Variants in SNTG1 observed in about 807,000 individuals in gnomAD.
SNTG1 encodes the protein syntrophin gamma 1, also known as gamma-1-syntrophin.
SNTG1 carries 39 observed loss-of-function variants against 74.7 expected under a neutral mutation model. The ratio of observed to expected loss-of-function variants is 0.52; its 90% CI spans 0.40 to 0.68. The LOEUF (loss-of-function observed/expected upper bound fraction) is 0.68. Ranked by LOEUF, SNTG1 falls within the 30% of genes least tolerant of loss-of-function variation. SNTG1 has a pLI of 0.00. For synonymous variants in SNTG1, 254 were observed against 217.1 expected (o/e 1.17, Z -1.49); for missense variants, 685 against 609.5 (o/e 1.12, Z -1.30).
Position 49,973,237 on chromosome 8 carries a change from G to A in SNTG1, c.-103+61006G>A, listed in dbSNP as rs549489516. 3.6e-3 allele frequency among the ~76,000 whole-genome samples: 550 copies of A among 151,952 alleles called. 3 individuals are homozygous for A. The highest frequency in any genetic ancestry group is 0.013 in the African/African-American group (523 of 41,460). On this transcript the variant is annotated intron_variant, in intron 1 of 18. Transcript: ENST00000642720. Reference sequence around the variant, plus strand: ...AGGGACATGGATGAAGCTGGAAACCGTCATTCTCAGCAAACTATCACAAGG... The same window carrying A: ...AGGGACATGGATGAAGCTGGAAACCATCATTCTCAGCAAACTATCACAAGG...
At chr8:50,489,791 G>T (rs931014256) in intron 8 of SNTG1, among the ~76,000 whole-genome samples, 3 of 152,070 alleles carry the variant, frequency 2.0e-5, no homozygotes, top group African/African-American at 7.2e-5. Flanking sequence ...CAATTTGTCA[G>T]TTTTGGCTTT....
intron 15 of SNTG1, among the ~76,000 whole-genome samples, chr8:50,661,692 C>A (rs775515467): frequency 2.0e-5 from 3 of 152,114 alleles, no homozygotes; most frequent in Non-Finnish European, 4.4e-5. Context: ...CTAATGATGT[C>A]TCTCCCCTTG....
chr8:50,610,388 C>T (rs540126816), intron 13 of SNTG1, among the ~76,000 whole-genome samples: 16 of 152,226 alleles, frequency 1.1e-4, no homozygotes, highest in Middle Eastern at 3.4e-3. Flanking sequence ...TACTTGGCTT[C>T]CTCCCCACTG....
At chr8:50,145,623 A>G (rs1019040872) in intron 1 of SNTG1, among the ~76,000 whole-genome samples, 5 of 152,174 alleles carry the variant, frequency 3.3e-5, no homozygotes, top group Admixed American at 2.6e-4. Flanking sequence ...GTGTTGAGAA[A>G]CTCATGCTGA....
chr8:50,214,490 TAGTC>T (rs2084680935), intron 2 of SNTG1, among the ~76,000 whole-genome samples: 1 of 152,108 alleles, frequency 6.6e-6, no homozygotes, highest in East Asian at 1.9e-4. Context: ...ACCAGTAAAA[TAGTC>T]AGAAAACCAC....
At chr8:49,982,300 G>A (rs1235201864) in intron 1 of SNTG1, among the ~76,000 whole-genome samples, 1 of 151,948 alleles carries the variant, frequency 6.6e-6, no homozygotes, top group Non-Finnish European at 1.5e-5. Context: ...CATTTTGAGA[G>A]CTCAAAATAT....
chr8:50,708,613 A>G, intron 16 of SNTG1: 1 of 357,958 alleles, frequency 2.8e-6, no homozygotes, highest in Non-Finnish European at 5.0e-6. Context: ...CAGCAAAGAC[A>G]GACAGTGTAG....
At chr8:50,200,483 T>TA (rs1417777148) in intron 2 of SNTG1, among the ~76,000 whole-genome samples, 3 of 152,112 alleles carry the variant, frequency 2.0e-5, no homozygotes, top group African/African-American at 7.2e-5. Flanking sequence ...ATGAAAAGTG[T>TA]AGCAAGCAGA....
Position 50,632,285 on chromosome 8 carries a change from TTTTATTTA to T in SNTG1, c.850-24588_850-24581del, listed in dbSNP as rs745874673. ...TATTTTATTTTAATAGTCTTTTTAA[TTTTATTTA>T]TTTATTTATTTATTTATTTATTTAT... On this transcript the variant is annotated intron_variant, in intron 13 of 18. Coordinates refer to ENST00000642720, the MANE Select transcript of SNTG1 (RefSeq NM_018967.5). Among the ~76,000 whole-genome samples the T allele has an allele frequency of 5.4e-3, 730 of 134,380 alleles. 4 individuals are homozygous for T. The highest frequency in any genetic ancestry group is 0.019 in the African/African-American group (544 of 29,240). 88.2% of individuals were successfully genotyped at this position (134,380 alleles called of 152,430 possible).
At chr8:50,302,905 T>C (rs1184309770) in intron 2 of SNTG1, among the ~76,000 whole-genome samples, 1 of 152,190 alleles carries the variant, frequency 6.6e-6, no homozygotes, top group Non-Finnish European at 1.5e-5. Flanking sequence ...TTTTGACGAT[T>C]GTGTCCAGTT....
At chr8:50,071,829 C>A (rs1379757842) in intron 1 of SNTG1, among the ~76,000 whole-genome samples, 3 of 132,380 alleles carry the variant, frequency 2.3e-5, no homozygotes, top group Non-Finnish European at 3.4e-5. Flanking sequence ...AAAAAAAAAA[C>A]CTAAGATTAA....
intron 8 of SNTG1, 29 bp from the exon 9 acceptor site, chr8:50,502,749 G>T: frequency 6.4e-7 from 1 of 1,555,318 alleles, no homozygotes; most frequent in Non-Finnish European, 8.9e-7. Context: ...ATGTAATGAT[G>T]ATTGTATTCT....
intron 2 of SNTG1, among the ~76,000 whole-genome samples, chr8:50,272,630 C>G (rs3925721): frequency 0.16 from 23,779 of 152,148 alleles, 2,280 homozygotes; most frequent in Middle Eastern, 0.28. Context: ...ACAGGATACC[C>G]GTGGACTTTA....
chr8:50,225,071 C>T (rs190441276), intron 2 of SNTG1, among the ~76,000 whole-genome samples: 6 of 152,036 alleles, frequency 3.9e-5, no homozygotes, highest in East Asian at 1.9e-4. Flanking sequence ...CCTGGGTTCA[C>T]GCCATTCCCC....
At chr8:50,567,895 T>C (rs537208755) in intron 12 of SNTG1, among the ~76,000 whole-genome samples, 1 of 152,206 alleles carries the variant, frequency 6.6e-6, no homozygotes, top group East Asian at 1.9e-4. Flanking sequence ...GAGATACACT[T>C]TACATTGTTA....
At chr8:50,172,168 G>C (rs1168579784) in intron 1 of SNTG1, among the ~76,000 whole-genome samples, 1 of 152,148 alleles carries the variant, frequency 6.6e-6, no homozygotes, top group Non-Finnish European at 1.5e-5. Context: ...TAAATCAATA[G>C]ACCATTCCTC....
intron 1 of SNTG1, among the ~76,000 whole-genome samples, chr8:49,937,603 G>A (rs1808204736): frequency 6.6e-6 from 1 of 152,096 alleles, no homozygotes; most frequent in Non-Finnish European, 1.5e-5. Context: ...GAAATATGAA[G>A]GACAATGAAA....
intron 1 of SNTG1, among the ~76,000 whole-genome samples, chr8:50,160,424 A>C (rs1269288055): frequency 6.6e-6 from 1 of 152,176 alleles, no homozygotes; most frequent in East Asian, 1.9e-4. Flanking sequence ...CCTCTTTCCA[A>C]GAAGAAAACC....
At chr8:50,674,387 C>A (rs1358313880) in intron 15 of SNTG1, among the ~76,000 whole-genome samples, 1 of 151,698 alleles carries the variant, frequency 6.6e-6, no homozygotes, top group African/African-American at 2.4e-5. Context: ...TTAGACTTTT[C>A]CTGATTTAGT....
Sources: allele counts gnomAD v4.1 joint callset (sites outside exome capture counted in the v4.1 genomes callset), GRCh38; gene constraint gnomAD v4.1.1; transcripts MANE v1.5; gene names NCBI Gene and HGNC (gene_info 2026-07-23, HGNC 2026-07-21).